The following FUBP1 variants were observed in gnomAD, a reference collection of about 807,000 sequenced individuals.
FUBP1 encodes the protein far upstream element binding protein 1, also known as far upstream element-binding protein 1.
A neutral mutation model predicts 94.9 loss-of-function variants in FUBP1; 16 were observed. The ratio of observed to expected loss-of-function variants is 0.17; its 90% confidence interval spans 0.11 to 0.26. The LOEUF is 0.26. Among genes scored for constraint, FUBP1 ranks in the 10% least tolerant of loss-of-function variants. FUBP1 has a pLI of 1.00. For missense variants in FUBP1, 583 were observed against 808.6 expected (o/e 0.72, Z 3.38); for synonymous variants, 279 against 254.9 (o/e 1.09, Z -0.90).
chr1:77,957,820 ATTT>A (rs962006263), intron 16 of FUBP1, among the ~76,000 whole-genome samples: 7 of 137,168 alleles, frequency 5.1e-5, no homozygotes, highest in Non-Finnish European at 6.4e-5. Flanking sequence ...CATTATCTGT[ATTT>A]TTTTTTTTTT....
chr1:77,975,929 G>A (rs1302278717), intron 1 of FUBP1, among the ~76,000 whole-genome samples: 2 of 151,216 alleles, frequency 1.3e-5, no homozygotes, highest in Non-Finnish European at 2.9e-5. Flanking sequence ...CAACCAGCTA[G>A]AGTTAACATT....
At position 77,966,822 on chromosome 1, in the gene FUBP1, T is replaced by TAA. The variant is rs200892659; in HGVS notation, c.415+60_415+61dup. On this transcript the variant is annotated intron_variant, in intron 6 of 19. Transcript: ENST00000370768. ...GTAGCATTATTGTTACTAGAAGGCT[T>TAA]AAAAAAAAAAAAAAGCTAGTTTTCT... is the stretch of plus-strand genomic sequence containing the variant. 3.3e-3 allele frequency: 3,491 copies of TAA among 1,055,702 alleles called. 3 individuals carry two copies. The highest frequency in any genetic ancestry group is 6.2e-3 in the Admixed American group (286 of 46,380). The allele number at this position is 1,055,702 out of a possible 1,614,324, so 65.4% of individuals were successfully genotyped here.
intron 1 of FUBP1, among the ~76,000 whole-genome samples, chr1:77,974,603 G>A (rs1393958131): frequency 2.0e-5 from 3 of 152,098 alleles, no homozygotes; most frequent in Non-Finnish European, 4.4e-5. Context: ...TAGTTAAAGT[G>A]TTAAGATTAT....
At position 77,964,636 on chromosome 1, in the gene FUBP1, T is replaced by G; in HGVS notation, c.837+10A>C. On this transcript the variant is annotated intron_variant, in intron 10 of 19. Transcript: ENST00000370768. ...CATACAACCATTTCTGAATGGGTAT[T>G]TTTACTTACATCTATCCCTTCATTT... The G allele has an allele frequency of 6.8e-7, 1 of 1,463,456 alleles. No individual in the cohort carries two copies. Among genetic ancestry groups the G allele is most frequent in the Middle Eastern group, 1.7e-4 (1 of 5,784 alleles). The allele number at this position is 1,463,456 out of a possible 1,614,324, so 90.7% of individuals were successfully genotyped here.
intron 2 of FUBP1, among the ~76,000 whole-genome samples, chr1:77,968,839 T>G (rs984632485): frequency 6.6e-6 from 1 of 152,148 alleles, no homozygotes; most frequent in South Asian, 2.1e-4. Flanking sequence ...AGACAACCTA[T>G]AGCTCAAAGT....
intron 18 of FUBP1, among the ~76,000 whole-genome samples, chr1:77,951,120 G>C (rs1029161286): frequency 5.3e-5 from 8 of 152,174 alleles, no homozygotes; most frequent in Non-Finnish European, 1.2e-4. Context: ...CTCTTACAGG[G>C]TGCACACTTG....
chr1:77,955,465 G>A, intron 17 of FUBP1, 136 bp from the exon 18 acceptor site: 1 of 627,446 alleles, frequency 1.6e-6, no homozygotes, highest in East Asian at 2.8e-5. Context: ...ATGTGGTGGT[G>A]GCATCCCTAA....
chr1:77,963,442 T>C, intron 13 of FUBP1, 132 bp downstream of exon 13: 2 of 551,518 alleles, frequency 3.6e-6, no homozygotes, highest in Non-Finnish European at 6.5e-6. Context: ...ACTTGTTACA[T>C]ATTAACATAA....
At chr1:77,963,361 T>C (rs1047842051) in intron 13 of FUBP1, among the ~76,000 whole-genome samples, 7 of 152,222 alleles carry the variant, frequency 4.6e-5, no homozygotes, top group African/African-American at 1.7e-4. Flanking sequence ...TAGTTCGCTT[T>C]CTCTAGAAGC....
At chr1:77,968,636 T>A (rs1656957928) in intron 2 of FUBP1, among the ~76,000 whole-genome samples, 1 of 146,554 alleles carries the variant, frequency 6.8e-6, no homozygotes, top group Non-Finnish European at 1.5e-5. Flanking sequence ...ACCACAAAGC[T>A]ATGCCCAAAA....
chr1:77,950,842 AG>A (rs1430239682), intron 18 of FUBP1, among the ~76,000 whole-genome samples: 3 of 152,210 alleles, frequency 2.0e-5, no homozygotes, highest in Admixed American at 2.0e-4. Context: ...ATTGTAAAAC[AG>A]GTCACAGACT....
At chr1:77,963,478 CAGAGAAA>C in intron 13 of FUBP1, 89 bp downstream of exon 13, 1 of 631,698 alleles carries the variant, frequency 1.6e-6, no homozygotes, top group Non-Finnish European at 2.8e-6. Context: ...AAAATACGGT[CAGAGAAA>C]AAGCATTGCC....
chr1:77,948,572 C>A lies in FUBP1; in HGVS notation c.*194G>T. On this transcript the variant is annotated 3_prime_UTR_variant, in exon 20 of 20. Transcript: ENST00000370768. The stretch of plus-strand genomic sequence containing the variant: ...ACTAAAAACAAACCAATTTTCATTT[C>A]TACACAGAAATATTAACCTCCTATC... The A allele has an allele frequency of 2.4e-6, 3 of 1,276,552 alleles. No homozygotes were observed. The highest frequency in any genetic ancestry group is 3.0e-6 in the Non-Finnish European group (3 of 990,142). The allele number at this position is 1,276,552 out of a possible 1,614,324, so 79.1% of individuals were successfully genotyped here.
chr1:77,951,687 A>G (rs898180441), intron 18 of FUBP1, among the ~76,000 whole-genome samples: 1 of 152,186 alleles, frequency 6.6e-6, no homozygotes, highest in African/African-American at 2.4e-5. Flanking sequence ...AATATTTATT[A>G]TAGTTTTATA....
intron 1 of FUBP1, among the ~76,000 whole-genome samples, chr1:77,977,887 C>G (rs966184506): frequency 1.3e-5 from 2 of 152,180 alleles, no homozygotes; most frequent in South Asian, 4.1e-4. Flanking sequence ...CTCAATGTTC[C>G]TTCAACTGTC....
chr1:77,967,605 T>C (rs767077156), intron 4 of FUBP1, 22 bp downstream of exon 4: 2 of 1,577,076 alleles, frequency 1.3e-6, no homozygotes, highest in Non-Finnish European at 1.7e-6. Context: ...CAGAGTACTT[T>C]TTGAAAATCT....
chr1:77,948,833 A>T (rs776347597), intron 19 of FUBP1, 59 bp from the exon 20 acceptor site: 5 of 1,603,658 alleles, frequency 3.1e-6, no homozygotes, highest in Non-Finnish European at 4.3e-6. Context: ...CTTGAAATGG[A>T]GCTAATTCAG....
chr1:77,968,226 AT>A, intron 2 of FUBP1, 23 bp from the exon 3 acceptor site: 2 of 1,485,920 alleles, frequency 1.3e-6, no homozygotes, highest in Non-Finnish European at 1.8e-6. Context: ...GTGTCTTTTA[AT>A]TTTTTGCCAA....
intron 18 of FUBP1, 139 bp downstream of exon 18, chr1:77,955,116 C>T (rs1654204718): frequency 3.6e-6 from 2 of 559,624 alleles, no homozygotes; most frequent in Middle Eastern, 4.3e-4. Flanking sequence ...CATATAACCA[C>T]AAATTTAAAA....
Sources: allele counts gnomAD v4.1 joint callset (sites outside exome capture counted in the v4.1 genomes callset), GRCh38; gene constraint gnomAD v4.1.1; transcripts MANE v1.5; gene names NCBI Gene and HGNC (gene_info 2026-07-23, HGNC 2026-07-21).